Variants in IGF2R observed in about 807,000 individuals in gnomAD.
IGF2R encodes the protein insulin like growth factor 2 receptor.
IGF2R carries 91 observed loss-of-function variants against 270.6 expected under a neutral mutation model. The observed-to-expected ratio is 0.34, with a 90% CI of 0.28 to 0.40. The LOEUF (loss-of-function observed/expected upper bound fraction) is 0.40. Among genes scored for constraint, IGF2R ranks in the 10% least tolerant of loss-of-function variants. The probability of loss-of-function intolerance (pLI) is 1.00; values close to 1 mark genes in which losing one functional copy is unlikely to be tolerated. For missense variants in IGF2R, 2,805 were observed against 3,188.3 expected, an observed-to-expected ratio of 0.88 and a Z score of 2.90; for synonymous variants, 1,316 against 1,258.9, an observed-to-expected ratio of 1.05 and a Z score of -0.96.
Position 160,040,729 on chromosome 6 carries a change from T to C in IGF2R, c.1480+5T>C. ...CCGCGCTGGTCCGCCATGCAGGTAC[T>C]GCCCTCCTTGCCATGCGGGTCTTAG... On this transcript the variant is annotated splice_donor_5th_base_variant and intron_variant, in intron 11 of 47. Transcript: ENST00000356956. 1.2e-6 allele frequency: 2 copies of C among 1,608,328 alleles called. No individual in the cohort carries two copies. The highest frequency in any genetic ancestry group is 1.7e-6 in the Non-Finnish European group (2 of 1,176,194).
intron 1 of IGF2R, among the ~76,000 whole-genome samples, chr6:159,988,464 G>C (rs1023675243): frequency 7.4e-6 from 1 of 134,698 alleles, no homozygotes; most frequent in Admixed American, 8.4e-5. Flanking sequence ...AATGAGCGGA[G>C]ATTGCGCCAC....
At chr6:160,061,414 C>A in intron 23 of IGF2R, 89 bp from the exon 24 acceptor site, 1 of 1,220,234 alleles carries the variant, frequency 8.2e-7, no homozygotes, top group Non-Finnish European at 1.2e-6. Context: ...AGGTTCACGC[C>A]TCCTCAGGGC....
rs778394297 is a variant in IGF2R, at chr6:160,070,074, T to G, written c.4443+16T>G. The G allele has an allele frequency of 6.2e-7, 1 of 1,611,748 alleles. No individual in the cohort carries two copies. The highest frequency in any genetic ancestry group is 8.5e-7 in the Non-Finnish European group (1 of 1,178,204). On this transcript the variant is annotated intron_variant, in intron 31 of 47. Transcript: ENST00000356956. Reference sequence around the variant, plus strand: ...GAGCCAAGTGGTAAGGGACTGTTCCTGCACCTTCTGCTGTTGCAGCTTTGG... The same window carrying G: ...GAGCCAAGTGGTAAGGGACTGTTCCGGCACCTTCTGCTGTTGCAGCTTTGG...
At chr6:160,011,895 CT>C (rs996231265) in intron 4 of IGF2R, among the ~76,000 whole-genome samples, 2 of 152,184 alleles carry the variant, frequency 1.3e-5, no homozygotes, top group African/African-American at 4.8e-5. Context: ...TTTTTAAGAA[CT>C]TTCAAAGGTT....
intron 13 of IGF2R, 142 bp from the exon 14 acceptor site, chr6:160,045,603 T>C (rs1018112719): frequency 2.2e-6 from 2 of 897,426 alleles, no homozygotes; most frequent in African/African-American, 1.6e-5. Context: ...ACAGTATTTG[T>C]AGGGCTGTTT....
chr6:159,995,948 TCA>T, intron 2 of IGF2R, among the ~76,000 whole-genome samples: 1 of 149,942 alleles, frequency 6.7e-6, no homozygotes. Flanking sequence ...TGTTTCATTC[TCA>T]TCTGGATAAA....
At chr6:160,088,315 ATACAG>A (rs963801266) in intron 42 of IGF2R, among the ~76,000 whole-genome samples, 168 bp downstream of exon 42, 1 of 152,236 alleles carries the variant, frequency 6.6e-6, no homozygotes, top group Non-Finnish European at 1.5e-5. Flanking sequence ...AGACCTCCAG[ATACAG>A]TGCTGAGACA....
chr6:160,060,253 G>C (rs1562361564), intron 22 of IGF2R, among the ~76,000 whole-genome samples: 1 of 152,156 alleles, frequency 6.6e-6, no homozygotes, highest in African/African-American at 2.4e-5. Context: ...ATTGGAGCGA[G>C]TGTGTAAACC....
In IGF2R at chr6:160,107,458, A is replaced by T. The variant is rs1207969818; in HGVS notation, c.*2374A>T. ...AACCCAAGCCTCTGAAAAAAGAGTA[A>T]CTACTTGCCAGCTGTTGTTACAGAT... On this transcript the variant is annotated 3_prime_UTR_variant, in exon 48 of 48. Transcript: ENST00000356956. The T allele has an allele frequency of 6.6e-6, 1 of 152,358 alleles. No homozygotes were observed. The highest frequency in any genetic ancestry group is 1.9e-4 in the East Asian group (1 of 5,190). The allele number at this position is 152,358 out of a possible 1,614,324, so 9.4% of individuals were successfully genotyped here.
intron 1 of IGF2R, among the ~76,000 whole-genome samples, chr6:159,979,704 G>A (rs996067945): frequency 6.6e-6 from 1 of 152,178 alleles, no homozygotes; most frequent in Admixed American, 6.5e-5. Context: ...CAGACCCAGC[G>A]GGAAGCATGT....
At chr6:160,030,510 T>C (rs992777607) in intron 7 of IGF2R, among the ~76,000 whole-genome samples, 1 of 152,230 alleles carries the variant, frequency 6.6e-6, no homozygotes, top group African/African-American at 2.4e-5. Flanking sequence ...CATCAAGTGC[T>C]GTCAGCTGAA....
intron 21 of IGF2R, 79 bp from the exon 22 acceptor site, chr6:160,058,827 T>A: frequency 8.1e-7 from 1 of 1,233,870 alleles, no homozygotes; most frequent in East Asian, 2.3e-5. Context: ...TAGTGGGATT[T>A]GGAGTTGCTA....
chr6:160,101,780 GT>G (rs1239533784), intron 45 of IGF2R, among the ~76,000 whole-genome samples: 2 of 152,252 alleles, frequency 1.3e-5, no homozygotes, highest in African/African-American at 4.8e-5. Context: ...AGTCTCCGTG[GT>G]TGTTTCTCAT....
intron 27 of IGF2R, among the ~76,000 whole-genome samples, 165 bp from the exon 28 acceptor site, chr6:160,064,236 T>G (rs978740228): frequency 6.6e-6 from 1 of 152,158 alleles, no homozygotes; most frequent in African/African-American, 2.4e-5. Context: ...GAAGCCTGAT[T>G]TTATTCCCAA....
chr6:160,059,228 A>G lies in IGF2R; in HGVS notation c.3091+130A>G, dbSNP rs1201142993. The stretch of plus-strand genomic sequence containing the variant: ...TGGGCTGTGCTGTCCACCTTGCTGC[A>G]GGAGCCATCACGGTGGTCTTCCTGC... On this transcript the variant is annotated intron_variant, in intron 22 of 47. Transcript: ENST00000356956. 1.6e-5 allele frequency: 11 copies of G among 697,466 alleles called. No homozygotes were observed. The East Asian group carries it at 1.6e-4, about 10-fold the overall frequency. 43.2% of individuals were successfully genotyped at this position (697,466 alleles called of 1,614,324 possible).
chr6:160,086,512 C>T (rs548675590), intron 41 of IGF2R, among the ~76,000 whole-genome samples: 2 of 152,290 alleles, frequency 1.3e-5, no homozygotes, highest in African/African-American at 4.8e-5. Context: ...CATGGGGCAG[C>T]GTTGTCATCC....
chr6:159,978,320 A>G (rs939189396), intron 1 of IGF2R, among the ~76,000 whole-genome samples: 17 of 151,586 alleles, frequency 1.1e-4, no homozygotes, highest in African/African-American at 3.4e-4. Context: ...TCCCCCAAAC[A>G]ATGAGGAGCT....
At chr6:160,041,037 A>T (rs542206665) in intron 11 of IGF2R, among the ~76,000 whole-genome samples, 3 of 152,166 alleles carry the variant, frequency 2.0e-5, no homozygotes, top group Admixed American at 6.5e-5. Flanking sequence ...AGGCAGATGG[A>T]TGTGCACCTT....
At chr6:159,969,974 CT>C (rs199820793) in intron 1 of IGF2R, among the ~76,000 whole-genome samples, 3,899 of 151,894 alleles carry the variant, frequency 0.026, 82 homozygotes, top group Non-Finnish European at 0.032. Context: ...CAGGCGGTGA[CT>C]TTTGTCTTCT....
Sources: gnomAD v4.1 joint callset for allele counts (sites outside exome capture counted in the v4.1 genomes callset) on GRCh38, gnomAD v4.1.1 for gene constraint, MANE v1.5 for transcripts, NCBI Gene and HGNC (gene_info 2026-07-23, HGNC 2026-07-21) for gene names.